Variants in SKIDA1 observed in about 807,000 individuals in gnomAD.
The protein encoded by SKIDA1 is SKI/DACH domain containing 1, also known as SKI/DACH domain-containing protein 1.
Under a neutral mutation model 51.4 loss-of-function variants are expected in SKIDA1, and 18 were observed. The observed-to-expected ratio is 0.35, with a 90% CI of 0.24 to 0.52. SKIDA1 has a LOEUF of 0.52. Ranked by LOEUF, SKIDA1 falls within the 20% of genes least tolerant of loss-of-function variation. The pLI is 0.95. For synonymous variants in SKIDA1, 579 were observed against 500.5 expected, an observed-to-expected ratio of 1.16 and a Z score of -2.09; for missense variants, 1,104 against 1,180.6, an observed-to-expected ratio of 0.94 and a Z score of 0.95.
intron 2 of SKIDA1, among the ~76,000 whole-genome samples, chr10:21,522,725 C>T (rs1411807570): frequency 6.6e-6 from 1 of 152,110 alleles, no homozygotes; most frequent in Non-Finnish European, 1.5e-5. Flanking sequence ...AAGGGCCCAT[C>T]CCTCTGTTCT....
Position 21,517,069 on chromosome 10 carries a change from C to G in SKIDA1, c.754G>C (p.Gly252Arg). The change falls in exon 4 of 4, where the codon GGG (glycine) becomes CGG (arginine). Residue 252 changes from glycine (G) to arginine (R), a missense_variant. Coordinates refer to ENST00000449193, the MANE Select transcript of SKIDA1 (RefSeq NM_207371.4). The surrounding 1 kb of genome is among the most constrained non-coding windows in gnomAD (Gnocchi z 6.9). The part of the protein sequence containing the change: ...AAAYYQVSAA[G>R]PQPKAAAGAG... ...CCCGCCGCTGCCTTGGGCTGGGGCCCGGCCGCCGATACCTGGTAATAGGCG... is the reference window on the plus strand; with the variant it reads ...CCCGCCGCTGCCTTGGGCTGGGGCCGGGCCGCCGATACCTGGTAATAGGCG... 1 of 989,636 alleles carries G rather than the reference C, an allele frequency of 1.0e-6. No individual in the cohort carries two copies. The highest frequency in any genetic ancestry group is 4.6e-5 in the South Asian group (1 of 21,624). The allele number at this position is 989,636 out of a possible 1,614,324, so 61.3% of individuals were successfully genotyped here.
In SKIDA1 at chr10:21,515,606, T is replaced by A. The variant is rs2032174651; in HGVS notation, c.2217A>T (p.Ala739=). ...ALLTTAKEGF[A]CPEKETPSLN... is the part of the protein sequence containing the mutation. Reference sequence around the variant, plus strand: ...AGGAAGGAGTTTCTTTTTCAGGGCATGCAAAACCTTCCTTGGCTGTGGTTA... The same window carrying A: ...AGGAAGGAGTTTCTTTTTCAGGGCAAGCAAAACCTTCCTTGGCTGTGGTTA... Residue 739 remains alanine, a synonymous_variant, in exon 4 of 4, where the codon GCA becomes GCT. Transcript: ENST00000449193. 1 of 1,614,062 alleles carries A rather than the reference T, an allele frequency of 6.2e-7. No homozygotes were observed. The highest frequency in any genetic ancestry group is 2.2e-5 in the East Asian group (1 of 44,892).
In SKIDA1 at chr10:21,516,740, G is replaced by C; in HGVS notation, c.1083C>G (p.His361Gln). 1 of 1,549,778 alleles carries C rather than the reference G, an allele frequency of 6.5e-7. No individual in the cohort carries two copies. Among genetic ancestry groups the C allele is most frequent in the Non-Finnish European group, 8.7e-7 (1 of 1,146,558 alleles). The change falls in exon 4 of 4, where the codon CAC becomes CAG. Residue 361 changes from histidine (H) to glutamine (Q), a missense_variant. By Grantham distance (24) the His-to-Gln change is conservative (BLOSUM62 0). Around this residue, in one of 3 missense-constraint regions of SKIDA1, gnomAD observed 938 missense variants for 886.4 expected, o/e 1.06. Transcript: ENST00000449193. The surrounding 1 kb of genome is among the most constrained non-coding windows in gnomAD (Gnocchi z 5.7). ...HRAQPPQQSH[H>Q]PPHHHRPQPH... The stretch of plus-strand genomic sequence containing the variant: ...GCTGCGGCCGGTGGTGGTGAGGGGG[G>C]TGGTGACTCTGCTGCGGCGGCTGGG...
rs1489780514 is a variant in SKIDA1 at position 21,513,928 on chromosome 10, T to C, written c.*1168A>G. The C allele has an allele frequency of 1.3e-5, 2 of 152,072 alleles. No individual in the cohort carries two copies. Among genetic ancestry groups the C allele is most frequent in the Non-Finnish European group, 2.9e-5 (2 of 68,010 alleles). 9.4% of individuals were successfully genotyped at this position (152,072 alleles called of 1,614,324 possible). On this transcript the variant is annotated 3_prime_UTR_variant, in exon 4 of 4. Coordinates refer to ENST00000449193, the MANE Select transcript of SKIDA1 (RefSeq NM_207371.4). The stretch of plus-strand genomic sequence containing the variant: ...AAATATTCTGCTATTACGAGAAATA[T>C]TTCAGCCCGGGCATGGTGGATCACA...
intron 1 of SKIDA1, among the ~76,000 whole-genome samples, chr10:21,524,309 G>A (rs2032552819): frequency 6.6e-6 from 1 of 152,058 alleles, no homozygotes; most frequent in South Asian, 2.1e-4. Flanking sequence ...GTTAAATGCC[G>A]ATACAAACCT....
chr10:21,516,957 G>C lies in SKIDA1; in HGVS notation c.866C>G (p.Ala289Gly). Residue 289 changes from alanine to glycine, a missense_variant, in exon 4 of 4, where the codon GCG becomes GGG. Transcript: ENST00000449193. This position sits in a 1 kb window ranked among gnomAD's most constrained non-coding sequence, Gnocchi z 5.7. ...CCTGGGCAACAGCAGCAGGCGCCGC[G>C]CGCCGGCGTGAGGCGCGAGCAGGCA... is the stretch of plus-strand genomic sequence containing the variant. ...KDCLLAPHAG[A>G]RRLLLLPRSY... The C allele has an allele frequency of 1.7e-6, 2 of 1,157,732 alleles. No homozygotes were observed. Among genetic ancestry groups the C allele is most frequent in the African/African-American group, 3.3e-5 (2 of 60,318 alleles). The allele number at this position is 1,157,732 out of a possible 1,614,324, so 71.7% of individuals were successfully genotyped here.
At chr10:21,520,047 C>T (rs1314322158) in intron 3 of SKIDA1, among the ~76,000 whole-genome samples, 3 of 152,220 alleles carry the variant, frequency 2.0e-5, no homozygotes, top group Non-Finnish European at 4.4e-5. Context: ...TATGTACAAA[C>T]CGCGATGTCT....
At position 21,517,068 on chromosome 10, in the gene SKIDA1, C is replaced by T; in HGVS notation, c.755G>A (p.Gly252Glu). 8.0e-6 allele frequency: 8 copies of T among 994,828 alleles called. No individual in the cohort carries two copies. Among genetic ancestry groups the T allele is most frequent in the Non-Finnish European group, 8.3e-6 (7 of 842,312 alleles). 61.6% of individuals were successfully genotyped at this position (994,828 alleles called of 1,614,324 possible). ...AAAYYQVSAA[G>E]PQPKAAAGAG... The stretch of plus-strand genomic sequence containing the variant: ...GCCCGCCGCTGCCTTGGGCTGGGGC[C>T]CGGCCGCCGATACCTGGTAATAGGC... The change falls in exon 4 of 4, where the codon GGG becomes GAG. Residue 252 changes from glycine (G) to glutamate (E), a missense_variant. Around this residue, in one of 3 missense-constraint regions of SKIDA1, gnomAD observed 938 missense variants for 886.4 expected, o/e 1.06. Transcript: ENST00000449193. This position sits in a 1 kb window ranked among gnomAD's most constrained non-coding sequence, Gnocchi z 6.9.
intron 3 of SKIDA1, among the ~76,000 whole-genome samples, chr10:21,520,837 A>C (rs772426573): frequency 1.3e-5 from 2 of 152,104 alleles, no homozygotes; most frequent in Non-Finnish European, 2.9e-5. Flanking sequence ...GTTGGGTGAA[A>C]TAGAGAAAAA....
In SKIDA1 at chr10:21,515,236, C is replaced by T; in HGVS notation, c.2587G>A (p.Asp863Asn). The T allele has an allele frequency of 6.2e-7, 1 of 1,613,964 alleles. No homozygotes were observed. The highest frequency in any genetic ancestry group is 8.5e-7 in the Non-Finnish European group (1 of 1,179,886). ...TTTAAGGAATACGCCGGCCACAAAT[C>T]CCCATCTCTCCCAATAATGAGTGAT... is the stretch of plus-strand genomic sequence containing the variant. Reference protein sequence around the residue: ...PPSLIIGRDGDLWPAYSLNTT... With the variant: ...PPSLIIGRDGNLWPAYSLNTT... The change falls in exon 4 of 4, where the codon GAT (aspartate) becomes AAT (asparagine). Residue 863 changes from aspartate (D) to asparagine (N), a missense_variant. Transcript: ENST00000449193.
At chr10:21,521,858 C>T (rs868272738) in intron 2 of SKIDA1, among the ~76,000 whole-genome samples, 2 of 152,156 alleles carry the variant, frequency 1.3e-5, no homozygotes, top group Non-Finnish European at 2.9e-5. Context: ...AAAATCAGCA[C>T]TTTCAGTTTT....
chr10:21,517,415 G>A lies in SKIDA1; in HGVS notation c.408C>T (p.His136=). 1 of 1,483,048 alleles carries A rather than the reference G, an allele frequency of 6.7e-7. No homozygotes were observed. Among genetic ancestry groups the A allele is most frequent in the Non-Finnish European group, 8.9e-7 (1 of 1,122,814 alleles). 91.9% of individuals were successfully genotyped at this position (1,483,048 alleles called of 1,614,324 possible). The change falls in exon 4 of 4, where the codon CAC becomes CAT. Residue 136 remains histidine, a synonymous_variant. Coordinates refer to ENST00000449193, the MANE Select transcript of SKIDA1 (RefSeq NM_207371.4). This position sits in a 1 kb window ranked among gnomAD's most constrained non-coding sequence, Gnocchi z 6.9. ...SPRPGFWKDK[H]QLWRGLSGAA... is the part of the protein sequence containing the mutation. ...CTCCGCTCAGGCCCCGCCAAAGTTG[G>A]TGCTTGTCCTTCCAAAATCCCGGGC...
In SKIDA1 at chr10:21,521,228, G is replaced by A. The variant is rs928391111; in HGVS notation, c.-1837+161C>T. Among the ~76,000 whole-genome samples, 15 of 152,072 alleles carry A rather than the reference G, an allele frequency of 9.9e-5. 1 individual carries two copies. The highest frequency in any genetic ancestry group is 3.6e-4 in the African/African-American group (15 of 41,380). On this transcript the variant is annotated intron_variant, in intron 3 of 3. Transcript: ENST00000449193. ...GAGCGCTCACACATGAAAGGCAGGG[G>A]ACTTTAAGATGGATTTGCATGCACA...
In SKIDA1 at chr10:21,516,894, G is replaced by A; in HGVS notation, c.929C>T (p.Ala310Val). Residue 310 changes from alanine to valine, a missense_variant, in exon 4 of 4, where the codon GCG (alanine) becomes GTG (valine). Physicochemically the swap from Ala to Val is moderately conservative, Grantham distance 64 (BLOSUM62 0). This residue lies in a region of SKIDA1 where 938 missense variants were observed against 886.4 expected (regional missense o/e 1.06). Transcript: ENST00000449193. This position sits in a 1 kb window ranked among gnomAD's most constrained non-coding sequence, Gnocchi z 5.7. Reference sequence around the variant, plus strand: ...CGCGGCGGCCGCCGCCGCCGCTGCCGCCGCCGCCGCCGCCGCCGCCGCCTT... The same window carrying A: ...CGCGGCGGCCGCCGCCGCCGCTGCCACCGCCGCCGCCGCCGCCGCCGCCTT... ...KAKAAAAAAAAAAAAAAAAGA... is the reference protein window; with the variant it reads ...KAKAAAAAAAVAAAAAAAAGA... The A allele has an allele frequency of 1.6e-6, 2 of 1,218,356 alleles. No homozygotes were observed. The highest frequency in any genetic ancestry group is 3.7e-5 in the East Asian group (1 of 27,352). The allele number at this position is 1,218,356 out of a possible 1,614,324, so 75.5% of individuals were successfully genotyped here. A position where few individuals can be genotyped will look rare whatever the true frequency, so the allele number is the denominator to read the frequency against.
rs868441334 is a variant in SKIDA1, at chr10:21,516,641, G to T, written c.1182C>A (p.Asn394Lys). 3 of 1,551,736 alleles carry T rather than the reference G, an allele frequency of 1.9e-6. No individual in the cohort carries two copies. The Middle Eastern group carries it at 5.0e-4, about 259-fold the overall frequency. ...ESSSYSDHAA[N>K]DSDFGSSLSS... ...ACAAACTGGAGCCAAAATCCGAGTCGTTGGCCGCGTGGTCCGAGTAGGAGC... is the reference window on the plus strand; with the variant it reads ...ACAAACTGGAGCCAAAATCCGAGTCTTTGGCCGCGTGGTCCGAGTAGGAGC... Residue 394 changes from asparagine (N) to lysine (K), a missense_variant, in exon 4 of 4, where the codon AAC becomes AAA. Physicochemically the swap from Asn to Lys is moderately conservative, Grantham distance 94. Around this residue, in one of 3 missense-constraint regions of SKIDA1, gnomAD observed 938 missense variants for 886.4 expected, o/e 1.06. Transcript: ENST00000449193. This position sits in a 1 kb window ranked among gnomAD's most constrained non-coding sequence, Gnocchi z 5.7.
At chr10:21,524,392 A>G (rs552956476) in intron 1 of SKIDA1, among the ~76,000 whole-genome samples, 48 of 152,270 alleles carry the variant, frequency 3.2e-4, no homozygotes, top group African/African-American at 1.1e-3. Flanking sequence ...TCTCAAAGAC[A>G]TATCTATTAT....
rs1438012389 is a variant in SKIDA1 at position 21,523,739 on chromosome 10, G to C, written c.-1985C>G. The C allele has an allele frequency of 6.6e-6, 1 of 152,136 alleles. No individual in the cohort carries two copies. Among genetic ancestry groups the C allele is most frequent in the Non-Finnish European group, 1.5e-5 (1 of 68,068 alleles). The allele number at this position is 152,136 out of a possible 1,614,324, so 9.4% of individuals were successfully genotyped here. A position where few individuals can be genotyped will look rare whatever the true frequency, so the allele number is the denominator to read the frequency against. ...AGCCACCACGAGGGGAGAGAGGAGAGACAAGACATGAGGAGCCTGATGGTC... is the reference window on the plus strand; with the variant it reads ...AGCCACCACGAGGGGAGAGAGGAGACACAAGACATGAGGAGCCTGATGGTC... On this transcript the variant is annotated 5_prime_UTR_variant, in exon 2 of 4. Coordinates refer to ENST00000449193, the MANE Select transcript of SKIDA1 (RefSeq NM_207371.4).
rs1221398619 is a variant in SKIDA1 at position 21,517,106 on chromosome 10, G to A, written c.717C>T (p.Ala239=). ...CCTGGTAATAGGCGGCGGCGGCGGCGGCGGCGGCGGCGGCAGCAGCGGCGG... is the reference window on the plus strand; with the variant it reads ...CCTGGTAATAGGCGGCGGCGGCGGCAGCGGCGGCGGCGGCAGCAGCGGCGG... ...AAAAAAAAAA[A]AAAAAYYQVS... The change falls in exon 4 of 4, where the codon GCC becomes GCT. Residue 239 remains alanine (A), a synonymous_variant. Coordinates refer to ENST00000449193, the MANE Select transcript of SKIDA1 (RefSeq NM_207371.4). The surrounding 1 kb of genome is among the most constrained non-coding windows in gnomAD (Gnocchi z 6.9). 4 of 1,005,104 alleles carry A rather than the reference G, an allele frequency of 4.0e-6. No individual in the cohort carries two copies. The highest frequency in any genetic ancestry group is 3.6e-5 in the African/African-American group (2 of 55,522). The allele number at this position is 1,005,104 out of a possible 1,614,324, so 62.3% of individuals were successfully genotyped here.
In SKIDA1 at chr10:21,517,097, GGCGGCGGCGGCGGCGGCGGCGGCAGCA is replaced by G. The variant is rs1193412048; in HGVS notation, c.699_725del (p.Ala236_Ala244del). The G allele has an allele frequency of 3.1e-5, 31 of 1,011,350 alleles. 1 individual carries two copies. The highest frequency in any genetic ancestry group is 5.0e-4 in the Middle Eastern group (1 of 2,010). The allele number at this position is 1,011,350 out of a possible 1,614,324, so 62.6% of individuals were successfully genotyped here. ...CCGCCGATACCTGGTAATAGGCGGC[GGCGGCGGCGGCGGCGGCGGCGGCAGCA>G]GCGGCGGCGGCGGCGGCGGCGGCGG... On this transcript the variant is annotated inframe_deletion, in exon 4 of 4. Transcript: ENST00000449193. The surrounding 1 kb of genome is among the most constrained non-coding windows in gnomAD (Gnocchi z 6.9).
Sources: allele counts gnomAD v4.1 joint callset (sites outside exome capture counted in the v4.1 genomes callset), GRCh38; gene constraint gnomAD v4.1.1; regional missense constraint gnomAD v4.1.1; non-coding constraint Gnocchi (gnomAD v3.1); transcripts MANE v1.5; gene names NCBI Gene and HGNC (gene_info 2026-07-23, HGNC 2026-07-21).